Variants in TG observed in about 807,000 individuals in gnomAD.
TG encodes thyroglobulin, also known as thyroid hormones.
A neutral mutation model predicts 324.7 loss-of-function variants in TG; 270 were observed. That is an observed-to-expected ratio of 0.83 (90% confidence interval 0.75 to 0.92). The LOEUF is 0.92. TG is among the 40% of genes least tolerant of loss of function. TG has a pLI of 0.00. For missense variants in TG, 3,591 were observed against 3,456.4 expected, an observed-to-expected ratio of 1.04 and a Z score of -0.98; for synonymous variants, 1,401 against 1,327.0, an observed-to-expected ratio of 1.06 and a Z score of -1.21.
intron 23 of TG, among the ~76,000 whole-genome samples, 159 bp from the exon 24 acceptor site, chr8:132,933,402 A>AG (rs1299927694): frequency 1.3e-3 from 21 of 15,930 alleles, no homozygotes; most frequent in East Asian, 0.013. Context: ...GTGTATTTGG[A>AG]GGGGGGTGTG....
intron 45 of TG, among the ~76,000 whole-genome samples, chr8:133,128,883 A>G (rs1331323480): frequency 1.3e-5 from 2 of 152,204 alleles, no homozygotes; most frequent in African/African-American, 4.8e-5. Context: ...GCGCAGGGCA[A>G]TGAAGCCACA....
chr8:133,022,638 T>A (rs1210353373), intron 40 of TG, among the ~76,000 whole-genome samples: 1 of 152,186 alleles, frequency 6.6e-6, no homozygotes, highest in Non-Finnish European at 1.5e-5. Flanking sequence ...GCCTCACTTG[T>A]GAACAATGGC....
chr8:132,901,452 C>T lies in TG; in HGVS notation c.3533C>T (p.Pro1178Leu). The change falls in exon 16 of 48, where the codon CCA becomes CTA. Residue 1178 changes from proline (P) to leucine (L), a missense_variant. Transcript: ENST00000220616. ...AGGGCAGAGGATGGGGGCTTTTCCC[C>T]AGTGCAATGTGACCAGGCCCAGGGC... Reference protein sequence around the residue: ...ACRAEDGGFSPVQCDQAQGSC... With the variant: ...ACRAEDGGFSLVQCDQAQGSC... The T allele has an allele frequency of 3.7e-6, 6 of 1,614,216 alleles. No individual in the cohort carries two copies. In the Middle Eastern group the frequency reaches 4.9e-4, roughly 133 times the overall value.
chr8:133,025,891 G>A (rs918397407), intron 40 of TG, among the ~76,000 whole-genome samples: 1 of 152,164 alleles, frequency 6.6e-6, no homozygotes, highest in African/African-American at 2.4e-5. Flanking sequence ...GGCTCTGTGG[G>A]GCCAAAACTC....
intron 27 of TG, among the ~76,000 whole-genome samples, chr8:132,949,304 C>T (rs1041233869): frequency 2.6e-5 from 4 of 152,208 alleles, no homozygotes; most frequent in Non-Finnish European, 4.4e-5. Context: ...GAGGAACGTA[C>T]TCTTCTGTAG....
intron 26 of TG, 111 bp from the exon 27 acceptor site, chr8:132,948,665 C>G: frequency 8.6e-7 from 1 of 1,164,944 alleles, no homozygotes; most frequent in East Asian, 2.3e-5. Context: ...TATGTCTTCT[C>G]CTGAGACGCT....
intron 34 of TG, 53 bp from the exon 35 acceptor site, chr8:132,983,297 C>T (rs754590268): frequency 1.6e-5 from 26 of 1,579,660 alleles, no homozygotes; most frequent in East Asian, 9.0e-5. Flanking sequence ...CTTCTGAACT[C>T]GATGATACCA....
chr8:132,894,299 A>G (rs549766092), intron 11 of TG, among the ~76,000 whole-genome samples: 3 of 152,286 alleles, frequency 2.0e-5, no homozygotes, highest in Admixed American at 1.3e-4. Context: ...ACCACACAGC[A>G]GGAGGGGAGA....
intron 35 of TG, chr8:133,001,882 A>G (rs1477639598): frequency 1.0e-6 from 1 of 985,404 alleles, no homozygotes; most frequent in Non-Finnish European, 1.2e-6. Context: ...CGCCTCTTCT[A>G]TTTCCCAGCT....
At chr8:133,118,341 T>G (rs1183685809) in intron 45 of TG, among the ~76,000 whole-genome samples, 7 of 148,902 alleles carry the variant, frequency 4.7e-5, no homozygotes, top group Non-Finnish European at 1.5e-5. Flanking sequence ...TTTTTTTTTT[T>G]TTTGACGGGG....
chr8:133,099,415 G>A (rs906490302), intron 43 of TG, among the ~76,000 whole-genome samples: 28 of 152,336 alleles, frequency 1.8e-4, no homozygotes, highest in African/African-American at 6.0e-4. Context: ...CAGGAGAGTA[G>A]TGACGGTGGG....
At chr8:133,130,931 G>C (rs1851896915) in intron 45 of TG, among the ~76,000 whole-genome samples, 1 of 152,194 alleles carries the variant, frequency 6.6e-6, no homozygotes, top group South Asian at 2.1e-4. Flanking sequence ...GAAGAAAGAG[G>C]AGGGGGGCCC....
Position 132,982,858 on chromosome 8 carries a change from C to T in TG, c.6200-492C>T, listed in dbSNP as rs531335571. ...CATTTGTGTTGTTTCCCACACGTTT[C>T]GACTCTCTGCTCTCTGGGACGGGGT... On this transcript the variant is annotated intron_variant, in intron 34 of 47. Coordinates refer to ENST00000220616, the MANE Select transcript of TG (RefSeq NM_003235.5). 1.5e-3 allele frequency among the ~76,000 whole-genome samples: 226 copies of T among 152,302 alleles called. 3 individuals are homozygous for T. Among genetic ancestry groups the T allele is most frequent in the African/African-American group, 5.2e-3 (215 of 41,562 alleles).
At chr8:132,935,532 G>A (rs1284635072) in intron 24 of TG, among the ~76,000 whole-genome samples, 1 of 152,050 alleles carries the variant, frequency 6.6e-6, no homozygotes, top group African/African-American at 2.4e-5. Context: ...GGAATCAATT[G>A]CTCCTTCCTC....
chr8:132,880,107 G>A (rs1587214645), intron 5 of TG, among the ~76,000 whole-genome samples: 1 of 152,202 alleles, frequency 6.6e-6, no homozygotes. Flanking sequence ...TGCCTTGCAG[G>A]GCAGGATGTA....
chr8:132,958,640 C>T (rs1184184951), intron 27 of TG, among the ~76,000 whole-genome samples: 2 of 150,276 alleles, frequency 1.3e-5, no homozygotes, highest in African/African-American at 4.9e-5. Flanking sequence ...ATTGCTTGAA[C>T]CTGGGAGGCA....
intron 41 of TG, among the ~76,000 whole-genome samples, chr8:133,090,717 C>T (rs527633994): frequency 4.6e-5 from 7 of 152,246 alleles, no homozygotes; most frequent in East Asian, 1.9e-4. Flanking sequence ...GCTCTGTGAA[C>T]GCTGATCATA....
intron 11 of TG, among the ~76,000 whole-genome samples, chr8:132,897,241 T>A (rs1473900068): frequency 2.0e-5 from 3 of 152,340 alleles, no homozygotes; most frequent in Middle Eastern, 3.4e-3. Flanking sequence ...TTAAATGGGA[T>A]AACATGACAT....
intron 26 of TG, among the ~76,000 whole-genome samples, chr8:132,943,235 T>C (rs1824712486): frequency 6.6e-6 from 1 of 152,108 alleles, no homozygotes; most frequent in Admixed American, 6.5e-5. Flanking sequence ...GTGAATGGCT[T>C]GGTGCTATCC....
Sources: allele counts gnomAD v4.1 joint callset (sites outside exome capture counted in the v4.1 genomes callset), GRCh38; gene constraint gnomAD v4.1.1; transcripts MANE v1.5; gene names NCBI Gene and HGNC (gene_info 2026-07-23, HGNC 2026-07-21).